The following REV1 variants were observed in gnomAD, a reference collection of about 807,000 sequenced individuals.
REV1 encodes REV1 DNA directed polymerase, also known as translesion synthesis protein REV1.
In REV1, 42 loss-of-function variants were observed where a neutral mutation model predicts 137.4. The ratio of observed to expected loss-of-function variants is 0.31; its 90% CI spans 0.24 to 0.40. The LOEUF (loss-of-function observed/expected upper bound fraction) is 0.40, where lower values mean the gene tolerates loss of function less well. Ranked by LOEUF, REV1 falls within the 10% of genes least tolerant of loss-of-function variation. The pLI is 1.00. For missense variants in REV1, 1,282 were observed against 1,490.1 expected (o/e 0.86, Z 2.30); for synonymous variants, 524 against 519.2 (o/e 1.01, Z -0.12).
rs1677017092 is a variant in REV1, at chr2:99,410,735, C to T, written c.2305G>A (p.Ala769Thr). 1.3e-6 allele frequency: 2 copies of T among 1,599,982 alleles called. No homozygotes were observed. The highest frequency in any genetic ancestry group is 1.8e-5 in the Admixed American group (1 of 56,004). ...CAAATTCCATGGCCTCCAAATTTTG[C>T]AGTTTCTACAGGAGCCCCAGGCTTT... ...VRKPGAPVET[A>T]KFGGHGICDN... Residue 769 changes from alanine (A) to threonine (T), a missense_variant, in exon 14 of 23, where the codon GCA becomes ACA. Ala to Thr is a moderately conservative substitution (Grantham distance 58). This residue lies in a region of REV1 where 372 missense variants were observed against 482.3 expected (regional missense o/e 0.77). Transcript: ENST00000258428.
chr2:99,489,513 G>C (rs1300403745), intron 1 of REV1, among the ~76,000 whole-genome samples: 1 of 1,942 alleles, frequency 5.1e-4, no homozygotes, highest in South Asian at 7.6e-3. Context: ...GCCAGGGGTC[G>C]GCGCGGGGCG....
intron 1 of REV1, among the ~76,000 whole-genome samples, chr2:99,485,064 TAAA>T (rs927368922): frequency 6.6e-6 from 1 of 151,802 alleles, no homozygotes; most frequent in African/African-American, 2.4e-5. Context: ...CTTTGACTTT[TAAA>T]AAAAAATTTA....
intron 8 of REV1, among the ~76,000 whole-genome samples, chr2:99,432,144 C>T (rs1287092642): frequency 3.3e-5 from 5 of 152,130 alleles, no homozygotes; most frequent in African/African-American, 9.7e-5. Flanking sequence ...AGTGTGACTA[C>T]TGAGTACTGC....
At chr2:99,429,986 A>T in intron 8 of REV1, 38 bp from the exon 9 acceptor site, 2 of 1,270,880 alleles carry the variant, frequency 1.6e-6, no homozygotes, top group Middle Eastern at 2.1e-4. Context: ...TATATGTTAT[A>T]AACTGATTTT....
At chr2:99,417,140 G>A in intron 12 of REV1, among the ~76,000 whole-genome samples, 1 of 151,958 alleles carries the variant, frequency 6.6e-6, no homozygotes, top group East Asian at 1.9e-4. Context: ...GACTGTATTT[G>A]TTTTTGTTTT....
chr2:99,489,678 G>C (rs1687497256), intron 1 of REV1, 139 bp downstream of exon 1: 1 of 149,636 alleles, frequency 6.7e-6, no homozygotes, highest in South Asian at 2.1e-4. Flanking sequence ...GGCCGGGGCC[G>C]GGGCGACGCA....
At chr2:99,427,331 G>A (rs759354469) in intron 9 of REV1, among the ~76,000 whole-genome samples, 1 of 152,160 alleles carries the variant, frequency 6.6e-6, no homozygotes, top group Non-Finnish European at 1.5e-5. Flanking sequence ...GTGATTCTAG[G>A]ATATCTGTGT....
intron 3 of REV1, among the ~76,000 whole-genome samples, chr2:99,454,632 C>G (rs1170836577): frequency 6.8e-6 from 1 of 147,488 alleles, no homozygotes; most frequent in Admixed American, 6.8e-5. Flanking sequence ...CTAGTCCCAG[C>G]TACTCAGGAG....
chr2:99,410,966 T>G, intron 13 of REV1, 99 bp from the exon 14 acceptor site: 1 of 1,146,674 alleles, frequency 8.7e-7, no homozygotes, highest in South Asian at 1.6e-5. Flanking sequence ...ACATGTTGGT[T>G]ACTCACTATC....
At chr2:99,455,221 G>C (rs567688987) in intron 3 of REV1, among the ~76,000 whole-genome samples, 193 of 152,244 alleles carry the variant, frequency 1.3e-3, no homozygotes, top group Non-Finnish European at 2.1e-3. Context: ...TACCTCCTTT[G>C]CTCCTACCAT....
chr2:99,454,574 A>ACC (rs1559377124), intron 3 of REV1, among the ~76,000 whole-genome samples: 4 of 122,360 alleles, frequency 3.3e-5, no homozygotes, highest in African/African-American at 6.4e-5. Context: ...AAAAAAAAAA[A>ACC]AAAAAAAAAA....
intron 9 of REV1, chr2:99,424,716 A>C: frequency 7.9e-7 from 1 of 1,271,452 alleles, no homozygotes. Context: ...TATAAACAAA[A>C]GAACTACACA....
intron 3 of REV1, among the ~76,000 whole-genome samples, chr2:99,457,514 TCTA>T (rs978311325): frequency 6.6e-6 from 1 of 152,040 alleles, no homozygotes; most frequent in African/African-American, 2.4e-5. Context: ...AAACCCCATC[TCTA>T]CTAAAAACAC....
chr2:99,412,724 T>C lies in REV1; in HGVS notation c.2172+7A>G. Reference sequence around the variant, plus strand: ...ACAGATGGCAAAATCTGTTCAATGATCAGTACCTGAGTAAACCTTATTCCA... The same window carrying C: ...ACAGATGGCAAAATCTGTTCAATGACCAGTACCTGAGTAAACCTTATTCCA... On this transcript the variant is annotated splice_region_variant and intron_variant, in intron 13 of 22. Coordinates refer to ENST00000258428, the MANE Select transcript of REV1 (RefSeq NM_016316.4). 6.2e-7 allele frequency: 1 copy of C among 1,607,464 alleles called. No homozygotes were observed.
chr2:99,473,590 G>T (rs1279701352), intron 1 of REV1, among the ~76,000 whole-genome samples: 1 of 152,174 alleles, frequency 6.6e-6, no homozygotes, highest in Non-Finnish European at 1.5e-5. Flanking sequence ...AAGATATTTA[G>T]ATCAGGCTTT....
At position 99,436,719 on chromosome 2, in the gene REV1, C is replaced by A. The variant is rs573317338; in HGVS notation, c.1214-778G>T. 3.9e-5 allele frequency: 6 copies of A among 152,268 alleles called. No homozygotes were observed. The East Asian group carries it at 1.2e-3, about 29-fold the overall frequency. The allele number at this position is 152,268 out of a possible 1,614,324, so 9.4% of individuals were successfully genotyped here. On this transcript the variant is annotated intron_variant, in intron 6 of 22. Transcript: ENST00000258428. ...AGGGTCATTTTAACCCTAATCCAGGCACAAGCAGAGCTTTCCTCTATTATC... is the reference window on the plus strand; with the variant it reads ...AGGGTCATTTTAACCCTAATCCAGGAACAAGCAGAGCTTTCCTCTATTATC...
intron 16 of REV1, 107 bp downstream of exon 16, chr2:99,406,218 T>C: frequency 1.4e-6 from 2 of 1,418,182 alleles, no homozygotes; most frequent in Non-Finnish European, 1.9e-6. Context: ...TAATGAAGAA[T>C]ATAAATTTTT....
At position 99,434,426 on chromosome 2, in the gene REV1, A is replaced by G. The variant is rs548864016; in HGVS notation, c.1344T>C (p.Ser448=). 16 of 1,602,022 alleles carry G rather than the reference A, an allele frequency of 1.0e-5. No individual in the cohort carries two copies. The South Asian group carries it at 1.8e-4, about 18-fold the overall frequency. ...AAGGTGCCCTTCCTGTGCCTCTGTT[A>G]CTTGTAACAGCCACTGGTTTTCCTG... ...DLKGKPVAVT[S]NRGTGRAPLR... is the part of the protein sequence containing the mutation. The change falls in exon 8 of 23, where the codon AGT becomes AGC. Residue 448 remains serine (S), a synonymous_variant. Coordinates refer to ENST00000258428, the MANE Select transcript of REV1 (RefSeq NM_016316.4).
intron 5 of REV1, 29 bp from the exon 6 acceptor site, chr2:99,439,339 T>TA: frequency 6.6e-7 from 1 of 1,511,858 alleles, no homozygotes. Flanking sequence ...TTTGAGTTAA[T>TA]AATATCTGAC....
Sources: allele counts gnomAD v4.1 joint callset (sites outside exome capture counted in the v4.1 genomes callset), GRCh38; gene constraint gnomAD v4.1.1; regional missense constraint gnomAD v4.1.1; transcripts MANE v1.5; gene names NCBI Gene and HGNC (gene_info 2026-07-23, HGNC 2026-07-21).